Variants in TXNRD2 observed in about 807,000 individuals in gnomAD.
TXNRD2 encodes thioredoxin reductase 2.
TXNRD2 carries 67 observed loss-of-function variants against 70.8 expected under a neutral mutation model. The ratio of observed to expected loss-of-function variants is 0.95; its 90% CI spans 0.78 to 1.16. TXNRD2 has a LOEUF of 1.16. TXNRD2 is among the 50% of genes most tolerant of loss of function. The probability of loss-of-function intolerance (pLI) is 0.00; values close to 1 mark genes in which losing one functional copy is unlikely to be tolerated. For missense variants in TXNRD2, 644 were observed against 719.9 expected (o/e 0.89, Z 1.21); for synonymous variants, 301 against 295.8 (o/e 1.02, Z -0.18).
chr22:19,918,965 C>T lies in TXNRD2; in HGVS notation c.269G>A (p.Gly90Asp), dbSNP rs756174154. 3.1e-6 allele frequency: 5 copies of T among 1,612,416 alleles called. No individual in the cohort carries two copies. The South Asian group carries it at 5.5e-5, about 18-fold the overall frequency. The change falls in exon 4 of 18, where the codon GGC becomes GAC. Residue 90 changes from glycine to aspartate, a missense_variant. Around this residue, in one of 3 missense-constraint regions of TXNRD2, gnomAD observed 566 missense variants for 645.0 expected, o/e 0.88. Coordinates refer to ENST00000400521, the MANE Select transcript of TXNRD2 (RefSeq NM_006440.5). Reference protein sequence around the residue: ...WGLGGTCVNVGCIPKKLMHQA... With the variant: ...WGLGGTCVNVDCIPKKLMHQA... ...GTGCATCAGCTTCTTGGGGATGCAGCCCACGTTGACGCAGGTGCCGCCGAG... is the reference window on the plus strand; with the variant it reads ...GTGCATCAGCTTCTTGGGGATGCAGTCCACGTTGACGCAGGTGCCGCCGAG...
rs1051972970 is a variant in TXNRD2 at position 19,915,252 on chromosome 22, T to C, written c.553A>G (p.Ile185Val). ...KEILLSADHI[I>V]IATGGRPRYP... The stretch of plus-strand genomic sequence containing the variant: ...CTCGGCCGCCCTCCAGTAGCAATGA[T>C]GATGTGATCGGCTGACAGCAGAATC... The change falls in exon 7 of 18, where the codon ATC becomes GTC. Residue 185 changes from isoleucine (I) to valine (V), a missense_variant. Ile to Val is a conservative substitution (Grantham distance 29). This residue lies in a region of TXNRD2 where 566 missense variants were observed against 645.0 expected (regional missense o/e 0.88). Transcript: ENST00000400521. 12 of 1,613,624 alleles carry C rather than the reference T, an allele frequency of 7.4e-6. No individual in the cohort carries two copies. Among genetic ancestry groups the C allele is most frequent in the Non-Finnish European group, 9.3e-6 (11 of 1,179,918 alleles).
rs772117340 is a variant in TXNRD2 at position 19,878,460 on chromosome 22, G to C, written c.1276-23C>G. On this transcript the variant is annotated intron_variant, in intron 14 of 17. Transcript: ENST00000400521. Reference sequence around the variant, plus strand: ...GACCTGAGGACAGGATACCAACCCTGGATCAGTGCTGCGACAAACAAACCT... The same window carrying C: ...GACCTGAGGACAGGATACCAACCCTCGATCAGTGCTGCGACAAACAAACCT... 3.7e-6 allele frequency: 6 copies of C among 1,610,480 alleles called. No individual in the cohort carries two copies. In the South Asian group the frequency reaches 6.6e-5, roughly 18 times the overall value.
chr22:19,907,403 A>G (rs1940096972), intron 8 of TXNRD2, among the ~76,000 whole-genome samples: 1 of 30,714 alleles, frequency 3.3e-5, no homozygotes, highest in Non-Finnish European at 6.8e-5. Flanking sequence ...CTCTCAGGAG[A>G]GTGTGGGCGC....
At chr22:19,911,505 T>G in intron 7 of TXNRD2, 58 bp from the exon 8 acceptor site, 1 of 1,363,646 alleles carries the variant, frequency 7.3e-7, no homozygotes, top group South Asian at 1.2e-5. Flanking sequence ...TCCTAGGGCT[T>G]CCTTAAAGAG....
intron 16 of TXNRD2, 31 bp from the exon 17 acceptor site, chr22:19,877,265 G>A (rs1938551767): frequency 6.3e-7 from 1 of 1,599,372 alleles, no homozygotes. Context: ...AGGCAGGCGG[G>A]GTCAGCACAG....
chr22:19,925,398 G>A (rs138090258), intron 2 of TXNRD2, among the ~76,000 whole-genome samples: 1 of 152,028 alleles, frequency 6.6e-6, no homozygotes, highest in East Asian at 1.9e-4. Context: ...TACAAGAAAT[G>A]CTAAAGGATG....
At chr22:19,928,702 G>C (rs1941244658) in intron 2 of TXNRD2, among the ~76,000 whole-genome samples, 2 of 152,056 alleles carry the variant, frequency 1.3e-5, no homozygotes, top group African/African-American at 4.8e-5. Context: ...TAGAGATAGG[G>C]TCTTCAAAAA....
chr22:19,915,111 G>T, intron 7 of TXNRD2, 103 bp downstream of exon 7: 1 of 1,039,962 alleles, frequency 9.6e-7, no homozygotes, highest in Non-Finnish European at 1.5e-6. Context: ...GGGAAAGGGT[G>T]TGCAAGCTGC....
At chr22:19,900,928 T>C (rs1436427576) in intron 8 of TXNRD2, among the ~76,000 whole-genome samples, 1 of 152,214 alleles carries the variant, frequency 6.6e-6, no homozygotes, top group Non-Finnish European at 1.5e-5. Context: ...TGCTGGGCTG[T>C]GCAGGCACTG....
intron 1 of TXNRD2, chr22:19,932,594 A>G (rs1156520062): frequency 1.4e-6 from 2 of 1,441,194 alleles, no homozygotes; most frequent in African/African-American, 2.8e-5. Flanking sequence ...CTGCTGAAGG[A>G]AGGAAGAAAT....
At chr22:19,931,760 C>T (rs1446445091) in intron 1 of TXNRD2, among the ~76,000 whole-genome samples, 2 of 152,090 alleles carry the variant, frequency 1.3e-5, no homozygotes, top group Non-Finnish European at 2.9e-5. Context: ...ACCTTGGCCT[C>T]CCAAGGTGCT....
chr22:19,883,345 C>A lies in TXNRD2; in HGVS notation c.1066G>T (p.Ala356Ser), dbSNP rs576244023. The change falls in exon 12 of 18, where the codon GCC becomes TCC. Residue 356 changes from alanine (A) to serine (S), a missense_variant. By Grantham distance (99) the Ala-to-Ser change is moderately conservative. Transcript: ENST00000400521. Reference sequence around the variant, plus strand: ...CGTACCTCCACCACGTCACCAATGGCGTAGATGTGGGGCACAGAGGTGGCT... The same window carrying A: ...CGTACCTCCACCACGTCACCAATGGAGTAGATGTGGGGCACAGAGGTGGCT... ...REATSVPHIY[A>S]IGDVVEGRPE... is the part of the protein sequence containing the mutation. 2 of 1,613,908 alleles carry A rather than the reference C, an allele frequency of 1.2e-6. No individual in the cohort carries two copies. Among genetic ancestry groups the A allele is most frequent in the South Asian group, 1.1e-5 (1 of 91,086 alleles).
At chr22:19,918,056 C>T in intron 5 of TXNRD2, 87 bp downstream of exon 5, 1 of 1,189,716 alleles carries the variant, frequency 8.4e-7, no homozygotes, top group Non-Finnish European at 1.3e-6. Context: ...AGAGCATGCT[C>T]TGCACAGTAA....
intron 14 of TXNRD2, 40 bp from the exon 15 acceptor site, chr22:19,878,477 A>G: frequency 6.3e-7 from 1 of 1,585,896 alleles, no homozygotes; most frequent in Non-Finnish European, 8.7e-7. Flanking sequence ...TGCTGCGACA[A>G]ACAAACCTCG....
intron 2 of TXNRD2, among the ~76,000 whole-genome samples, chr22:19,929,744 G>A (rs74759023): frequency 0.012 from 1,873 of 152,270 alleles, 29 homozygotes; most frequent in African/African-American, 0.043. Context: ...CGGCAGCCCT[G>A]GCAGACTAAC....
At chr22:19,935,142 T>C (rs1433880799) in intron 1 of TXNRD2, among the ~76,000 whole-genome samples, 1 of 152,180 alleles carries the variant, frequency 6.6e-6, no homozygotes, top group African/African-American at 2.4e-5. Flanking sequence ...AGCTTATAAA[T>C]GGACGTGCAA....
intron 8 of TXNRD2, among the ~76,000 whole-genome samples, chr22:19,901,479 G>A (rs985197840): frequency 1.3e-5 from 2 of 152,202 alleles, no homozygotes; most frequent in Non-Finnish European, 2.9e-5. Flanking sequence ...CGTGTGGAGG[G>A]TCATTTTGGG....
At chr22:19,930,705 C>T (rs1941324500) in intron 2 of TXNRD2, among the ~76,000 whole-genome samples, 1 of 152,178 alleles carries the variant, frequency 6.6e-6, no homozygotes. Context: ...TGTCCAGAAG[C>T]ACGTGAAGGA....
chr22:19,922,521 A>G (rs1940955302), intron 2 of TXNRD2, among the ~76,000 whole-genome samples: 1 of 152,120 alleles, frequency 6.6e-6, no homozygotes, highest in Non-Finnish European at 1.5e-5. Context: ...TTCCTCCTTC[A>G]GTGTTCAAGA....
Sources: gnomAD v4.1 joint callset for allele counts (sites outside exome capture counted in the v4.1 genomes callset) on GRCh38, gnomAD v4.1.1 for gene constraint, gnomAD v4.1.1 regional missense constraint, MANE v1.5 for transcripts, NCBI Gene and HGNC (gene_info 2026-07-23, HGNC 2026-07-21) for gene names.